MLC1: variants seen among roughly 807,000 people sequenced by gnomAD.
MLC1 encodes the protein modulator of VRAC current 1, also known as membrane protein MLC1.
A neutral mutation model predicts 44.7 loss-of-function variants in MLC1; 32 were observed. The observed-to-expected ratio is 0.72, with a 90% CI of 0.54 to 0.96. MLC1 has a LOEUF of 0.96. Among genes scored for constraint, MLC1 ranks in the 40% least tolerant of loss-of-function variants. MLC1 has a pLI of 0.00. For missense variants in MLC1, 459 were observed against 492.2 expected (o/e 0.93, Z 0.64); for synonymous variants, 190 against 213.0 (o/e 0.89, Z 0.94).
At chr22:50,080,773 T>G (rs891828467) in intron 3 of MLC1, among the ~76,000 whole-genome samples, 2 of 152,172 alleles carry the variant, frequency 1.3e-5, no homozygotes, top group African/African-American at 2.4e-5. Flanking sequence ...TATTTGTTAA[T>G]GAAGGCTCTT....
At chr22:50,084,094 A>G (rs780694740) in intron 2 of MLC1, among the ~76,000 whole-genome samples, 1 of 152,122 alleles carries the variant, frequency 6.6e-6, no homozygotes, top group Non-Finnish European at 1.5e-5. Flanking sequence ...CCCAAGCTAC[A>G]CGGAACCGGG....
At chr22:50,068,926 C>T (rs2061784780) in intron 9 of MLC1, among the ~76,000 whole-genome samples, 1 of 151,818 alleles carries the variant, frequency 6.6e-6, no homozygotes, top group African/African-American at 2.4e-5. Context: ...CGTGTTTTGC[C>T]ACGTTGGTCA....
At chr22:50,080,095 G>A in intron 4 of MLC1, 76 bp from the exon 5 acceptor site, 1 of 1,227,098 alleles carries the variant, frequency 8.1e-7, no homozygotes, top group Non-Finnish European at 1.2e-6. Flanking sequence ...CCACACTTCA[G>A]GCCATTCACT....
chr22:50,073,683 G>A (rs149225277), intron 8 of MLC1, among the ~76,000 whole-genome samples: 1,870 of 152,178 alleles, frequency 0.012, 32 homozygotes, highest in East Asian at 0.041. Flanking sequence ...TTGTAGTGAG[G>A]TGATATTGAG....
chr22:50,080,222 G>T, intron 4 of MLC1, 122 bp downstream of exon 4: 2 of 1,324,244 alleles, frequency 1.5e-6, no homozygotes, highest in South Asian at 1.3e-5. Flanking sequence ...GGGCAACCTC[G>T]GGGGCCCCTC....
chr22:50,080,430 G>A (rs1241928494), intron 3 of MLC1, 33 bp from the exon 4 acceptor site: 13 of 1,577,214 alleles, frequency 8.2e-6, no homozygotes, highest in Admixed American at 3.6e-5. Context: ...TGAGCCTGCC[G>A]CTCACCTGAG....
chr22:50,068,247 C>T (rs1419973814), intron 10 of MLC1, among the ~76,000 whole-genome samples, 186 bp downstream of exon 10: 1 of 152,222 alleles, frequency 6.6e-6, no homozygotes, highest in African/African-American at 2.4e-5. Flanking sequence ...ATCGAGGCCC[C>T]GAGGCCCTGG....
intron 3 of MLC1, among the ~76,000 whole-genome samples, chr22:50,081,010 A>AAAGAAAGAAAGG (rs1569250776): frequency 1.9e-5 from 1 of 51,374 alleles, no homozygotes; most frequent in Non-Finnish European, 3.7e-5. Flanking sequence ...TGTCTCAAAA[A>AAAGAAAGAAAGG]AAGAAAGAAA....
Position 50,064,054 on chromosome 22 carries a change from G to T in MLC1, c.1039C>A (p.Gln347Lys). Residue 347 changes from glutamine (Q) to lysine (K), a missense_variant, in exon 11 of 12, where the codon CAG becomes AAG. Transcript: ENST00000311597. ...CTCACCTCCCCAGCCAGGCGCTCCT[G>T]CGGGCCGTTCTGGGTGTCCCAGGAT... ...GASWDTQNGPQERLAGEVARS... is the reference protein window; with the variant it reads ...GASWDTQNGPKERLAGEVARS... The T allele has an allele frequency of 1.9e-6, 3 of 1,551,894 alleles. No individual in the cohort carries two copies. The highest frequency in any genetic ancestry group is 1.1e-5 in the South Asian group (1 of 88,280).
At position 50,083,092 on chromosome 22, in the gene MLC1, C is replaced by A. The variant is rs1381939153; in HGVS notation, c.259G>T (p.Ala87Ser). The part of the protein sequence containing the change: ...PAEMDYLRCA[A>S]GSCIPSAIVS... ...TGGAGGAAGCTGCTTACAGAGCCTG[C>A]AGCACAGCGCAAGTAATCCATCTCA... The change falls in exon 3 of 12, where the codon GCA becomes TCA. Residue 87 changes from alanine (A) to serine (S), a missense_variant. Coordinates refer to ENST00000311597, the MANE Select transcript of MLC1 (RefSeq NM_015166.4). The surrounding 1 kb of genome is among the most constrained non-coding windows in gnomAD (Gnocchi z 4.6). The A allele has an allele frequency of 1.2e-6, 2 of 1,613,908 alleles. No homozygotes were observed. The highest frequency in any genetic ancestry group is 1.7e-6 in the Non-Finnish European group (2 of 1,179,986).
chr22:50,074,103 C>G, intron 8 of MLC1, 113 bp downstream of exon 8: 2 of 865,306 alleles, frequency 2.3e-6, no homozygotes, highest in Non-Finnish European at 3.8e-6. Flanking sequence ...AGCGAGGACC[C>G]TCTGTGGTGA....
At chr22:50,075,718 G>GAA (rs368879290) in intron 7 of MLC1, among the ~76,000 whole-genome samples, 19 of 141,604 alleles carry the variant, frequency 1.3e-4, no homozygotes, top group South Asian at 6.7e-4. Flanking sequence ...AAAAAAAAAG[G>GAA]AAAAAAAAAA....
In MLC1 at chr22:50,077,393, G is replaced by T. The variant is rs546059901; in HGVS notation, c.525+8C>A. Reference sequence around the variant, plus strand: ...CCCCTGCCCTGCGGGGTCAGAAGCTGCACCCACCTTCTTTTTCTTGCAGTC... The same window carrying T: ...CCCCTGCCCTGCGGGGTCAGAAGCTTCACCCACCTTCTTTTTCTTGCAGTC... On this transcript the variant is annotated splice_region_variant and intron_variant, in intron 6 of 11. Coordinates refer to ENST00000311597, the MANE Select transcript of MLC1 (RefSeq NM_015166.4). 1.2e-6 allele frequency: 2 copies of T among 1,612,890 alleles called. No individual in the cohort carries two copies. The highest frequency in any genetic ancestry group is 2.7e-5 in the African/African-American group (2 of 75,036).
chr22:50,085,199 GC>G, intron 1 of MLC1, 155 bp downstream of exon 1: 1 of 1,283,348 alleles, frequency 7.8e-7, no homozygotes, highest in Non-Finnish European at 9.9e-7. Context: ...ATCCATCTGG[GC>G]CCTCCAGGTG....
chr22:50,082,323 G>A (rs1235471250), intron 3 of MLC1, among the ~76,000 whole-genome samples: 1 of 152,260 alleles, frequency 6.6e-6, no homozygotes, highest in Admixed American at 6.5e-5. Context: ...TAGCTGCCGG[G>A]ACGCTGGGGA....
At chr22:50,081,358 A>C (rs1396340253) in intron 3 of MLC1, among the ~76,000 whole-genome samples, 3 of 152,172 alleles carry the variant, frequency 2.0e-5, no homozygotes, top group Non-Finnish European at 4.4e-5. Context: ...GAAAGAAAGA[A>C]AAAAAGAAAG....
intron 10 of MLC1, among the ~76,000 whole-genome samples, chr22:50,067,786 G>C (rs564771984): frequency 1.3e-5 from 1 of 77,728 alleles, no homozygotes; most frequent in African/African-American, 5.5e-5. Flanking sequence ...CCATCAGACA[G>C]TGACTCCATC....
In MLC1 at chr22:50,081,037, G is replaced by GAAAGAAAGAAAGAAAGAAAGAAAGA. The variant is rs1555968046; in HGVS notation, c.268-641_268-640insTCTTTCTTTCTTTCTTTCTTTCTTT. Among the ~76,000 whole-genome samples the GAAAGAAAGAAAGAAAGAAAGAAAGA allele has an allele frequency of 3.2e-4, 41 of 126,860 alleles. 1 individual carries two copies. The highest frequency in any genetic ancestry group is 5.4e-4 in the Non-Finnish European group (30 of 56,014). The allele number at this position is 126,860 out of a possible 152,430, so 83.2% of individuals were successfully genotyped here. On this transcript the variant is annotated intron_variant, in intron 3 of 11. Transcript: ENST00000311597. ...AGAAAGAAAGAAAGAAAGAAAGAAA[G>GAAAGAAAGAAAGAAAGAAAGAAAGA]AAAGAAAGAAAGAAAGAAAGAGGAG...
At chr22:50,076,049 G>T (rs2061972870) in intron 7 of MLC1, among the ~76,000 whole-genome samples, 1 of 152,138 alleles carries the variant, frequency 6.6e-6, no homozygotes, top group Admixed American at 6.5e-5. Flanking sequence ...TCAAAAGAAG[G>T]CAGGGAAGGA....
Sources: gnomAD v4.1 joint callset for allele counts (sites outside exome capture counted in the v4.1 genomes callset) on GRCh38, gnomAD v4.1.1 for gene constraint, Gnocchi (gnomAD v3.1) non-coding constraint, MANE v1.5 for transcripts, NCBI Gene and HGNC (gene_info 2026-07-23, HGNC 2026-07-21) for gene names.